Variants in SPAG16 observed in about 807,000 individuals in gnomAD.
SPAG16 encodes sperm associated antigen 16, also known as sperm-associated antigen 16 protein.
Under a neutral mutation model 80.4 loss-of-function variants are expected in SPAG16, and 86 were observed. The ratio of observed to expected loss-of-function variants is 1.07; its 90% confidence interval spans 0.90 to 1.28. SPAG16 has a LOEUF of 1.28. SPAG16 is among the 50% of genes most tolerant of loss of function. The pLI is 0.00. For missense variants in SPAG16, 870 were observed against 765.3 expected (o/e 1.14, Z -1.61); for synonymous variants, 294 against 265.9 (o/e 1.11, Z -1.03).
At chr2:214,371,745 A>G (rs1699833128) in intron 15 of SPAG16, among the ~76,000 whole-genome samples, 1 of 146,454 alleles carries the variant, frequency 6.8e-6, no homozygotes, top group African/African-American at 2.5e-5. Context: ...CAATGGCGTG[A>G]TCTTGGCTCA....
intron 9 of SPAG16, among the ~76,000 whole-genome samples, chr2:213,387,431 CTTTTTTTTTTTTTTTT>C (rs71060428): frequency 4.2e-5 from 2 of 47,898 alleles, no homozygotes; most frequent in Admixed American, 3.5e-4. Context: ...AATGCATGCT[CTTTTTTTTTTTTTTTT>C]TTTTTTTTTT....
chr2:213,777,579 A>C (rs552576264), intron 10 of SPAG16, among the ~76,000 whole-genome samples: 80 of 151,796 alleles, frequency 5.3e-4, no homozygotes, highest in Admixed American at 2.8e-3. Flanking sequence ...CTAATTTTTT[A>C]AGTATTTTTA....
At chr2:214,152,043 T>C (rs1217154283) in intron 15 of SPAG16, among the ~76,000 whole-genome samples, 1 of 152,168 alleles carries the variant, frequency 6.6e-6, no homozygotes, top group South Asian at 2.1e-4. Flanking sequence ...AAATGACAGA[T>C]CTTTATAAAT....
At position 213,522,955 on chromosome 2, in the gene SPAG16, C is replaced by T. The variant is rs967122481; in HGVS notation, c.1070+32865C>T. 2.6e-5 allele frequency among the ~76,000 whole-genome samples: 4 copies of T among 151,918 alleles called. No individual in the cohort carries two copies. In the South Asian group the frequency reaches 8.3e-4, roughly 32 times the overall value. On this transcript the variant is annotated intron_variant, in intron 10 of 15. Coordinates refer to ENST00000331683, the MANE Select transcript of SPAG16 (RefSeq NM_024532.5). Reference sequence around the variant, plus strand: ...CAAAATTATGGAGAGGCAGAGGCAACTAATTATTGTTAATTTAATAACTAT... The same window carrying T: ...CAAAATTATGGAGAGGCAGAGGCAATTAATTATTGTTAATTTAATAACTAT...
At position 213,565,346 on chromosome 2, in the gene SPAG16, A is replaced by T. The variant is rs116371002; in HGVS notation, c.1070+75256A>T. ...AGAGGGAGACATAGTCCAGAAGTAA[A>T]TACAAGCTCAATATAGACTTTTGCT... On this transcript the variant is annotated intron_variant, in intron 10 of 15. Transcript: ENST00000331683. Among the ~76,000 whole-genome samples the T allele has an allele frequency of 2.9e-3, 449 of 152,372 alleles. 1 individual carries two copies. Among genetic ancestry groups the T allele is most frequent in the African/African-American group, 0.01 (416 of 41,592 alleles).
intron 15 of SPAG16, among the ~76,000 whole-genome samples, chr2:214,352,515 A>G (rs1001522516): frequency 3.8e-5 from 5 of 132,952 alleles, no homozygotes; most frequent in Non-Finnish European, 8.0e-5. Flanking sequence ...GAGCTGTAAC[A>G]TTTGTCACAC....
intron 11 of SPAG16, among the ~76,000 whole-genome samples, chr2:213,906,769 G>A (rs1381639748): frequency 6.6e-6 from 1 of 152,078 alleles, no homozygotes; most frequent in Non-Finnish European, 1.5e-5. Flanking sequence ...ATAGGGAAAG[G>A]GCATCCTCTT....
intron 12 of SPAG16, among the ~76,000 whole-genome samples, chr2:213,970,156 CT>C (rs1231967960): frequency 1.3e-5 from 2 of 152,086 alleles, no homozygotes; most frequent in Non-Finnish European, 2.9e-5. Context: ...ACCTAATCAT[CT>C]CCTAAAGATG....
chr2:213,750,352 G>GT (rs2068024721), intron 10 of SPAG16, among the ~76,000 whole-genome samples: 1 of 152,000 alleles, frequency 6.6e-6, no homozygotes, highest in South Asian at 2.1e-4. Flanking sequence ...ATCGAAATAT[G>GT]TATCACAATT....
At chr2:213,510,682 T>A (rs528847399) in intron 10 of SPAG16, among the ~76,000 whole-genome samples, 2 of 152,208 alleles carry the variant, frequency 1.3e-5, no homozygotes, top group Non-Finnish European at 2.9e-5. Context: ...TATTGATAAC[T>A]GGACTTAGTA....
At chr2:214,194,644 G>T (rs1317671767) in intron 15 of SPAG16, among the ~76,000 whole-genome samples, 1 of 152,050 alleles carries the variant, frequency 6.6e-6, no homozygotes, top group Non-Finnish European at 1.5e-5. Context: ...TACATGTGAA[G>T]AATGACTCAG....
chr2:213,662,311 C>T (rs1006938250), intron 10 of SPAG16, among the ~76,000 whole-genome samples: 5 of 151,944 alleles, frequency 3.3e-5, no homozygotes, highest in Non-Finnish European at 5.9e-5. Context: ...AAAGGATTAG[C>T]CTATGCAAGA....
At chr2:214,067,920 A>G (rs59646839) in intron 13 of SPAG16, among the ~76,000 whole-genome samples, 66,736 of 152,024 alleles carry the variant, frequency 0.44, 15,741 homozygotes, top group East Asian at 0.54. Context: ...AGACATAAAA[A>G]CTATAAAAAA....
chr2:213,854,105 G>C (rs949235870), intron 10 of SPAG16, among the ~76,000 whole-genome samples: 1 of 152,204 alleles, frequency 6.6e-6, no homozygotes, highest in African/African-American at 2.4e-5. Context: ...TTGTGAAAGT[G>C]TTATTTATGA....
At chr2:213,625,279 C>A (rs1318262201) in intron 10 of SPAG16, among the ~76,000 whole-genome samples, 4 of 152,064 alleles carry the variant, frequency 2.6e-5, no homozygotes, top group African/African-American at 9.7e-5. Flanking sequence ...AGGAAACTTA[C>A]AATCATGGCA....
At chr2:213,507,849 T>A (rs994161827) in intron 10 of SPAG16, among the ~76,000 whole-genome samples, 1 of 152,244 alleles carries the variant, frequency 6.6e-6, no homozygotes, top group African/African-American at 2.4e-5. Flanking sequence ...TCAGCTCTGA[T>A]CACTCTCTAT....
At chr2:213,550,471 G>A (rs1477299327) in intron 10 of SPAG16, among the ~76,000 whole-genome samples, 1 of 151,948 alleles carries the variant, frequency 6.6e-6, no homozygotes, top group Admixed American at 6.6e-5. Context: ...CATGCTGCTG[G>A]TACTTTTATT....
At chr2:213,538,264 G>A (rs2076316576) in intron 10 of SPAG16, among the ~76,000 whole-genome samples, 1 of 152,056 alleles carries the variant, frequency 6.6e-6, no homozygotes, top group Non-Finnish European at 1.5e-5. Context: ...GAGTGATTCA[G>A]TTTTCCCTAT....
intron 11 of SPAG16, among the ~76,000 whole-genome samples, chr2:213,895,068 A>T (rs762496225): frequency 6.6e-6 from 1 of 151,372 alleles, no homozygotes; most frequent in Non-Finnish European, 1.5e-5. Context: ...TGAATTCAGT[A>T]AAGTTACAGG....
Sources: gnomAD v4.1 joint callset for allele counts (sites outside exome capture counted in the v4.1 genomes callset) on GRCh38, gnomAD v4.1.1 for gene constraint, MANE v1.5 for transcripts, NCBI Gene and HGNC (gene_info 2026-07-23, HGNC 2026-07-21) for gene names.